Variants in PTPRM observed in about 807,000 individuals in gnomAD.
The protein encoded by PTPRM is receptor-type tyrosine-protein phosphatase mu.
In PTPRM, 47 loss-of-function variants were observed where a neutral mutation model predicts 186.7. The ratio of observed to expected loss-of-function variants is 0.25; its 90% CI spans 0.20 to 0.32. The LOEUF (loss-of-function observed/expected upper bound fraction) is 0.32, where lower values mean the gene tolerates loss of function less well. Among genes scored for constraint, PTPRM ranks in the 10% least tolerant of loss-of-function variants. The pLI, the probability that PTPRM is intolerant of heterozygous loss-of-function variation, is 1.00. For missense variants in PTPRM, 1,494 were observed against 1,865.0 expected (o/e 0.80, Z 3.66); for synonymous variants, 668 against 674.9 (o/e 0.99, Z 0.16).
At chr18:8,113,060 A>G (rs1357770374) in intron 11 of PTPRM, among the ~76,000 whole-genome samples, 1 of 152,250 alleles carries the variant, frequency 6.6e-6, no homozygotes, top group Non-Finnish European at 1.5e-5. Flanking sequence ...TTGTGTTGTC[A>G]TTAAAGAAAA....
chr18:7,976,995 A>T (rs1481548047), intron 7 of PTPRM, among the ~76,000 whole-genome samples: 1 of 151,860 alleles, frequency 6.6e-6, no homozygotes, highest in Non-Finnish European at 1.5e-5. Flanking sequence ...AGATTTAACT[A>T]TGGGGATCAA....
intron 20 of PTPRM, among the ~76,000 whole-genome samples, chr18:8,306,145 C>T (rs932905119): frequency 7.2e-5 from 11 of 152,166 alleles, no homozygotes; most frequent in African/African-American, 2.7e-4. Flanking sequence ...GATCCGCCCA[C>T]CTCGGCCTCC....
chr18:8,006,534 C>T (rs1329607392), intron 7 of PTPRM, among the ~76,000 whole-genome samples: 1 of 152,192 alleles, frequency 6.6e-6, no homozygotes, highest in Non-Finnish European at 1.5e-5. Flanking sequence ...GAGGCTTCCT[C>T]CTCCTGCTTC....
chr18:7,695,550 C>T (rs16952379), intron 1 of PTPRM, among the ~76,000 whole-genome samples: 6,601 of 152,330 alleles, frequency 0.043, 209 homozygotes, highest in Non-Finnish European at 0.062. Context: ...CTCAATCTTT[C>T]TGTGCATCAT....
chr18:8,138,138 G>A (rs1316094017), intron 13 of PTPRM, among the ~76,000 whole-genome samples: 1 of 152,048 alleles, frequency 6.6e-6, no homozygotes, highest in African/African-American at 2.4e-5. Flanking sequence ...GGATGCTTCT[G>A]TATCTCTGAT....
At chr18:7,626,943 G>A (rs934311337) in intron 1 of PTPRM, among the ~76,000 whole-genome samples, 4 of 152,146 alleles carry the variant, frequency 2.6e-5, no homozygotes, top group African/African-American at 7.2e-5. Flanking sequence ...ACACAATTCC[G>A]TGGTTTATCC....
At chr18:8,360,988 T>C (rs1447413539) in intron 23 of PTPRM, 2 of 152,166 alleles carry the variant, frequency 1.3e-5, no homozygotes, top group Non-Finnish European at 2.9e-5. Flanking sequence ...TTCACATCCT[T>C]AGGACTGCTT....
Position 7,567,704 on chromosome 18 carries a change from G to C in PTPRM, c.-115G>C, listed in dbSNP as rs1044582817. The C allele has an allele frequency of 1.1e-6, 1 of 940,810 alleles. No individual in the cohort carries two copies. Among genetic ancestry groups the C allele is most frequent in the Non-Finnish European group, 1.5e-6 (1 of 671,014 alleles). The allele number at this position is 940,810 out of a possible 1,614,324, so 58.3% of individuals were successfully genotyped here. A position where few individuals can be genotyped will look rare whatever the true frequency, so the allele number is the denominator to read the frequency against. On this transcript the variant is annotated 5_prime_UTR_variant, in exon 1 of 33. Coordinates refer to ENST00000580170, the MANE Select transcript of PTPRM (RefSeq NM_001105244.2). This position sits in a 1 kb window ranked among gnomAD's most constrained non-coding sequence, Gnocchi z 4.3. ...TGGCACTTTGGGGGCTTGGCTTAGC[G>C]CTCTGCTGTTTACCCGTCTCTCCTC...
At chr18:7,643,976 A>G (rs1471121478) in intron 1 of PTPRM, among the ~76,000 whole-genome samples, 1 of 152,178 alleles carries the variant, frequency 6.6e-6, no homozygotes, top group Non-Finnish European at 1.5e-5. Flanking sequence ...TAATAACCAG[A>G]CAGCACATAT....
chr18:8,366,298 C>T (rs983357155), intron 23 of PTPRM, among the ~76,000 whole-genome samples: 1 of 151,976 alleles, frequency 6.6e-6, no homozygotes, highest in Non-Finnish European at 1.5e-5. Context: ...CTGTCTCAAT[C>T]CTTGCTACCC....
intron 20 of PTPRM, among the ~76,000 whole-genome samples, chr18:8,297,152 C>T (rs917227185): frequency 6.6e-5 from 10 of 152,298 alleles, no homozygotes; most frequent in Admixed American, 1.3e-4. Context: ...AACTGCTCTC[C>T]GTCATCCATG....
chr18:7,659,153 CACAA>C (rs1568011380), intron 1 of PTPRM, among the ~76,000 whole-genome samples: 1 of 149,698 alleles, frequency 6.7e-6, no homozygotes, highest in Non-Finnish European at 1.5e-5. Flanking sequence ...CACACACACA[CACAA>C]TCTCCCTTCT....
intron 1 of PTPRM, among the ~76,000 whole-genome samples, chr18:7,770,832 G>GA (rs538218769): frequency 1.9e-3 from 241 of 127,686 alleles, no homozygotes; most frequent in African/African-American, 0.012. Flanking sequence ...TTGTTATTTT[G>GA]GGGGGGTCCC....
chr18:7,949,151 T>A (rs771911448), intron 5 of PTPRM, 30 bp from the exon 6 acceptor site: 2 of 1,540,394 alleles, frequency 1.3e-6, no homozygotes, highest in African/African-American at 2.7e-5. Flanking sequence ...ATATTGCTTC[T>A]TTTTGTCCTC....
chr18:7,735,290 G>A (rs1410620873), intron 1 of PTPRM, among the ~76,000 whole-genome samples: 7 of 152,012 alleles, frequency 4.6e-5, no homozygotes, highest in South Asian at 4.1e-4. Context: ...GGTGGTGGGC[G>A]GCGCCTGTAA....
intron 2 of PTPRM, among the ~76,000 whole-genome samples, chr18:7,775,276 A>G (rs184786387): frequency 1.3e-5 from 2 of 152,312 alleles, no homozygotes; most frequent in Admixed American, 1.3e-4. Flanking sequence ...CTGTGGCTTC[A>G]CTGGACCTCA....
chr18:8,320,098 A>G (rs528930524), intron 22 of PTPRM, among the ~76,000 whole-genome samples: 2 of 152,276 alleles, frequency 1.3e-5, no homozygotes, highest in South Asian at 2.1e-4. Context: ...TGAACAGCAC[A>G]TGTTCTCCCC....
At chr18:7,777,367 G>C (rs935897334) in intron 2 of PTPRM, among the ~76,000 whole-genome samples, 1 of 152,138 alleles carries the variant, frequency 6.6e-6, no homozygotes, top group Non-Finnish European at 1.5e-5. Context: ...ATAAAATTTT[G>C]TGATGTGAAA....
intron 14 of PTPRM, among the ~76,000 whole-genome samples, chr18:8,172,395 T>G (rs2093415948): frequency 6.6e-6 from 1 of 152,066 alleles, no homozygotes; most frequent in East Asian, 1.9e-4. Context: ...TTCAATGTAC[T>G]GGGAAATTTA....
Sources: allele counts gnomAD v4.1 joint callset (sites outside exome capture counted in the v4.1 genomes callset), GRCh38; gene constraint gnomAD v4.1.1; non-coding constraint Gnocchi (gnomAD v3.1); transcripts MANE v1.5; gene names NCBI Gene and HGNC (gene_info 2026-07-23, HGNC 2026-07-21).